MBNL1: variants seen among roughly 807,000 people sequenced by gnomAD.
MBNL1 encodes muscleblind-like protein 1.
Under a neutral mutation model 42.2 loss-of-function variants are expected in MBNL1, and 8 were observed. The ratio of observed to expected loss-of-function variants is 0.19; its 90% CI spans 0.11 to 0.34. The LOEUF (loss-of-function observed/expected upper bound fraction) is 0.34. MBNL1 is among the 10% of genes least tolerant of loss of function. The probability of loss-of-function intolerance (pLI) is 1.00; values close to 1 mark genes in which losing one functional copy is unlikely to be tolerated. For synonymous variants in MBNL1, 169 were observed against 173.9 expected (o/e 0.97, Z 0.22); for missense variants, 309 against 495.3 (o/e 0.62, Z 3.57).
intron 4 of MBNL1, among the ~76,000 whole-genome samples, chr3:152,443,720 T>C (rs1465329150): frequency 2.6e-5 from 4 of 152,164 alleles, no homozygotes; most frequent in Non-Finnish European, 5.9e-5. Context: ...ACTTTTTTTC[T>C]TATGTTCAAT....
intron 2 of MBNL1, among the ~76,000 whole-genome samples, chr3:152,386,749 T>G (rs547777850): frequency 6.6e-6 from 1 of 152,096 alleles, no homozygotes; most frequent in East Asian, 1.9e-4. Flanking sequence ...GCAAATGCCT[T>G]ACCTGGCAGG....
chr3:152,253,942 T>G (rs1291072065), intron 2 of MBNL1, among the ~76,000 whole-genome samples: 3 of 152,170 alleles, frequency 2.0e-5, no homozygotes, highest in Non-Finnish European at 4.4e-5. Context: ...TTTATCCAAT[T>G]ATTTGTTATC....
At chr3:152,329,023 C>T (rs1261574565) in intron 2 of MBNL1, among the ~76,000 whole-genome samples, 4 of 151,818 alleles carry the variant, frequency 2.6e-5, no homozygotes, top group Non-Finnish European at 4.4e-5. Context: ...GAAAAGAATA[C>T]TAGGGGAAAA....
intron 2 of MBNL1, among the ~76,000 whole-genome samples, chr3:152,358,314 T>G (rs1380680209): frequency 1.3e-5 from 2 of 152,226 alleles, no homozygotes; most frequent in East Asian, 3.8e-4. Flanking sequence ...TTCTCATTTT[T>G]ATTCATATTT....
intron 2 of MBNL1, among the ~76,000 whole-genome samples, chr3:152,408,031 C>A (rs1300600571): frequency 6.6e-6 from 1 of 152,068 alleles, no homozygotes. Flanking sequence ...AAAAATAGTG[C>A]ATGCTGGGGT....
chr3:152,439,815 T>C (rs547197718), intron 4 of MBNL1, among the ~76,000 whole-genome samples: 5 of 152,186 alleles, frequency 3.3e-5, no homozygotes, highest in Non-Finnish European at 7.4e-5. Flanking sequence ...ACCACTGCAC[T>C]CCAGACTGAG....
At chr3:152,322,059 A>C (rs2076780256) in intron 2 of MBNL1, among the ~76,000 whole-genome samples, 1 of 31,644 alleles carries the variant, frequency 3.2e-5, no homozygotes, top group African/African-American at 2.8e-4. Context: ...AAATAATGAA[A>C]ACAGAGTTTT....
At chr3:152,335,349 A>C (rs907778359) in intron 2 of MBNL1, 7 of 977,784 alleles carry the variant, frequency 7.2e-6, no homozygotes, top group Non-Finnish European at 9.9e-6. Context: ...GTACATTAGA[A>C]ACTGTTTTAG....
intron 2 of MBNL1, among the ~76,000 whole-genome samples, chr3:152,352,658 G>A (rs2095147470): frequency 6.6e-6 from 1 of 151,990 alleles, no homozygotes; most frequent in African/African-American, 2.4e-5. Context: ...ACCGGAGACA[G>A]CTCCTCTGGG....
chr3:152,418,119 C>T (rs2098733879), intron 3 of MBNL1, among the ~76,000 whole-genome samples: 1 of 152,130 alleles, frequency 6.6e-6, no homozygotes, highest in African/African-American at 2.4e-5. Flanking sequence ...AAATACAATA[C>T]ATTAGGGGCA....
chr3:152,269,326 G>A (rs1466521758), intron 1 of MBNL1: 3 of 349,550 alleles, frequency 8.6e-6, no homozygotes, highest in Non-Finnish European at 1.7e-5. Flanking sequence ...GGGCTCTGCG[G>A]ACGCTGTCAC....
intron 4 of MBNL1, among the ~76,000 whole-genome samples, chr3:152,438,943 T>G (rs2099113226): frequency 6.6e-6 from 1 of 152,202 alleles, no homozygotes; most frequent in Non-Finnish European, 1.5e-5. Context: ...AGGGGACACG[T>G]ATTCCAGACA....
intron 2 of MBNL1, among the ~76,000 whole-genome samples, chr3:152,381,392 G>A (rs2097174904): frequency 6.6e-6 from 1 of 151,804 alleles, no homozygotes; most frequent in South Asian, 2.1e-4. Context: ...ACAAAAAAAA[G>A]TAAAAACAAA....
At chr3:152,427,242 T>C (rs988629525) in intron 3 of MBNL1, among the ~76,000 whole-genome samples, 1 of 152,188 alleles carries the variant, frequency 6.6e-6, no homozygotes, top group African/African-American at 2.4e-5. Flanking sequence ...GTCCAGAGTG[T>C]TCTTTATTTA....
In MBNL1 at chr3:152,464,710, CAA is replaced by C. The variant is rs1283394413; in HGVS notation, c.*2346_*2347del. The C allele has an allele frequency of 2.0e-5, 3 of 152,512 alleles. No individual in the cohort carries two copies. The highest frequency in any genetic ancestry group is 1.3e-4 in the Admixed American group (2 of 15,256). 9.4% of individuals were successfully genotyped at this position (152,512 alleles called of 1,614,324 possible). On this transcript the variant is annotated 3_prime_UTR_variant, in exon 10 of 10. Coordinates refer to ENST00000324210, the MANE Select transcript of MBNL1 (RefSeq NM_021038.5). ...ACTTTTTGTTGATAATCCAAATACT[CAA>C]AGTTTACGTAATGAAAATTATAGCG...
intron 2 of MBNL1, among the ~76,000 whole-genome samples, chr3:152,400,643 G>A (rs1300516614): frequency 6.6e-6 from 1 of 152,132 alleles, no homozygotes; most frequent in Non-Finnish European, 1.5e-5. Context: ...AAATAACCCT[G>A]TGATTATGCA....
chr3:152,430,327 A>G (rs978050393), intron 3 of MBNL1, among the ~76,000 whole-genome samples: 2 of 152,214 alleles, frequency 1.3e-5, no homozygotes, highest in African/African-American at 2.4e-5. Flanking sequence ...TATGTGCAAT[A>G]ATATAAACAT....
Position 152,300,140 on chromosome 3 carries a change from G to T in MBNL1, c.-54G>T. On this transcript the variant is annotated 5_prime_UTR_variant, in exon 2 of 10. Coordinates refer to ENST00000324210, the MANE Select transcript of MBNL1 (RefSeq NM_021038.5). Reference sequence around the variant, plus strand: ...TTTTTGGTTGTTGCTCTTTTTTGGGGGGGTTGGGTTTGTTGGTTTCACTGA... The same window carrying T: ...TTTTTGGTTGTTGCTCTTTTTTGGGTGGGTTGGGTTTGTTGGTTTCACTGA... 1 of 1,213,834 alleles carries T rather than the reference G, an allele frequency of 8.2e-7. No homozygotes were observed. Among genetic ancestry groups the T allele is most frequent in the Non-Finnish European group, 1.1e-6 (1 of 877,954 alleles). 75.2% of individuals were successfully genotyped at this position (1,213,834 alleles called of 1,614,324 possible).
At chr3:152,273,594 C>G (rs952089036) in intron 1 of MBNL1, among the ~76,000 whole-genome samples, 1 of 152,032 alleles carries the variant, frequency 6.6e-6, no homozygotes, top group African/African-American at 2.4e-5. Flanking sequence ...TGATTATGTT[C>G]TCTAGGTTAC....
Sources: gnomAD v4.1 joint callset for allele counts (sites outside exome capture counted in the v4.1 genomes callset) on GRCh38, gnomAD v4.1.1 for gene constraint, MANE v1.5 for transcripts, NCBI Gene and HGNC (gene_info 2026-07-23, HGNC 2026-07-21) for gene names.